The following TLX1 variants were observed in gnomAD, a reference collection of about 807,000 sequenced individuals.
TLX1 encodes the protein T cell leukemia homeobox 1.
TLX1 carries 6 observed loss-of-function variants against 26.5 expected under a neutral mutation model. The observed-to-expected ratio is 0.23, with a 90% CI of 0.12 to 0.45. The LOEUF (loss-of-function observed/expected upper bound fraction) is 0.45. Among genes scored for constraint, TLX1 ranks in the 20% least tolerant of loss-of-function variants. The probability of loss-of-function intolerance (pLI) is 0.99; values close to 1 mark genes in which losing one functional copy is unlikely to be tolerated. For synonymous variants in TLX1, 217 were observed against 219.7 expected, an observed-to-expected ratio of 0.99 and a Z score of 0.11; for missense variants, 418 against 482.6, an observed-to-expected ratio of 0.87 and a Z score of 1.25.
chr10:101,134,444 C>T (rs1940246482), intron 2 of TLX1, 68 bp downstream of exon 2: 2 of 1,418,356 alleles, frequency 1.4e-6, no homozygotes, highest in East Asian at 2.5e-5. Flanking sequence ...GTTCATTGGC[C>T]TCTCGTGGGG....
At position 101,131,657 on chromosome 10, in the gene TLX1, G is replaced by T. The variant is rs998472586; in HGVS notation, c.116G>T (p.Arg39Leu). Residue 39 changes from arginine to leucine, a missense_variant, in exon 1 of 3, where the codon CGC (arginine) becomes CTC (leucine). Arg to Leu is a moderately radical substitution (Grantham distance 102, BLOSUM62 -2). Around this residue, in one of 3 missense-constraint regions of TLX1, gnomAD observed 322 missense variants for 344.6 expected, o/e 0.93. Transcript: ENST00000370196. The stretch of plus-strand genomic sequence containing the variant: ...GGTGGCTGCATGGGACCCGCCTCGC[G>T]CCTCCAGGACGGAGAATACGGCCTT... ...DQGGCMGPASRLQDGEYGLGC... is the reference protein window; with the variant it reads ...DQGGCMGPASLLQDGEYGLGC... The T allele has an allele frequency of 1.5e-5, 23 of 1,564,212 alleles. No homozygotes were observed. The highest frequency in any genetic ancestry group is 1.9e-5 in the Non-Finnish European group (22 of 1,159,464).
At chr10:101,136,612 C>A in intron 2 of TLX1, 79 bp from the exon 3 acceptor site, 1 of 1,609,992 alleles carries the variant, frequency 6.2e-7, no homozygotes, top group Non-Finnish European at 8.5e-7. Flanking sequence ...AGTTTATCTC[C>A]TGGGAACGCA....
Position 101,136,964 on chromosome 10 carries a change from G to A in TLX1, c.*51G>A. Reference sequence around the variant, plus strand: ...CCCAGGCCCACTCAGGGGTCACTGAGGCCTGAGACCCAGGACTCCTCCCCA... The same window carrying A: ...CCCAGGCCCACTCAGGGGTCACTGAAGCCTGAGACCCAGGACTCCTCCCCA... On this transcript the variant is annotated 3_prime_UTR_variant, in exon 3 of 3. Coordinates refer to ENST00000370196, the MANE Select transcript of TLX1 (RefSeq NM_005521.4). 1 of 1,598,940 alleles carries A rather than the reference G, an allele frequency of 6.3e-7. No homozygotes were observed. The highest frequency in any genetic ancestry group is 8.5e-7 in the Non-Finnish European group (1 of 1,170,730).
intron 2 of TLX1, chr10:101,135,355 C>T: frequency 6.5e-6 from 1 of 154,360 alleles, no homozygotes; most frequent in East Asian, 1.9e-4. Flanking sequence ...TGAACGAAGG[C>T]GAGGAATCTG....
chr10:101,132,018 T>C lies in TLX1; in HGVS notation c.477T>C (p.Ser159=). 1 of 1,521,904 alleles carries C rather than the reference T, an allele frequency of 6.6e-7. No individual in the cohort carries two copies. The highest frequency in any genetic ancestry group is 8.7e-7 in the Non-Finnish European group (1 of 1,143,240). The allele number at this position is 1,521,904 out of a possible 1,614,324, so 94.3% of individuals were successfully genotyped here. ...CCACCGGCTTGCCCACCGTGCCCTC[T>C]GTGCCTGCCATGCCGGGCGTCAACA... ...PLATGLPTVP[S]VPAMPGVNNL... Residue 159 remains serine, a synonymous_variant, in exon 1 of 3, where the codon TCT becomes TCC. Coordinates refer to ENST00000370196, the MANE Select transcript of TLX1 (RefSeq NM_005521.4). This position sits in a 1 kb window ranked among gnomAD's most constrained non-coding sequence, Gnocchi z 4.1.
chr10:101,134,360 C>A lies in TLX1; in HGVS notation c.754C>A (p.Arg252=). The change falls in exon 2 of 3, where the codon CGG becomes AGG. Residue 252 remains arginine, a synonymous_variant. Coordinates refer to ENST00000370196, the MANE Select transcript of TLX1 (RefSeq NM_005521.4). The part of the protein sequence containing the change: ...DAQVKTWFQN[R]RTKWRRQTAE... ...GCAGGTCAAAACCTGGTTCCAGAAC[C>A]GGCGGACAAAGTGGAGGTGAGCAAG... The A allele has an allele frequency of 6.3e-7, 1 of 1,597,060 alleles. No homozygotes were observed. Among genetic ancestry groups the A allele is most frequent in the Non-Finnish European group, 8.5e-7 (1 of 1,173,032 alleles).
intron 2 of TLX1, among the ~76,000 whole-genome samples, chr10:101,136,159 G>T (rs1940289767): frequency 6.6e-6 from 1 of 152,262 alleles, no homozygotes; most frequent in Non-Finnish European, 1.5e-5. Context: ...GGGTCCAGCA[G>T]GAGCCCCGGT....
rs1382892455 is a variant in TLX1 at position 101,137,336 on chromosome 10, C to T, written c.*423C>T. The T allele has an allele frequency of 6.8e-6, 2 of 292,758 alleles. No individual in the cohort carries two copies. The highest frequency in any genetic ancestry group is 1.3e-5 in the Non-Finnish European group (2 of 154,474). 18.1% of individuals were successfully genotyped at this position (292,758 alleles called of 1,614,324 possible). A position where few individuals can be genotyped will look rare whatever the true frequency, so the allele number is the denominator to read the frequency against. On this transcript the variant is annotated 3_prime_UTR_variant, in exon 3 of 3. Coordinates refer to ENST00000370196, the MANE Select transcript of TLX1 (RefSeq NM_005521.4). ...ACACATGGAAACCCATAGGCCCACA[C>T]ACAGGTGGTGTCACTGTCCCTCCTG...
Position 101,137,130 on chromosome 10 carries a change from G to T in TLX1, c.*217G>T. ...GGACACGCGCCCCCCTCCCAGAGGC[G>T]TCCCGCACCTGTCTGAACTGTTAAG... On this transcript the variant is annotated 3_prime_UTR_variant, in exon 3 of 3. Coordinates refer to ENST00000370196, the MANE Select transcript of TLX1 (RefSeq NM_005521.4). The T allele has an allele frequency of 1.7e-6, 1 of 602,628 alleles. No individual in the cohort carries two copies. The highest frequency in any genetic ancestry group is 2.9e-6 in the Non-Finnish European group (1 of 342,156). The allele number at this position is 602,628 out of a possible 1,614,324, so 37.3% of individuals were successfully genotyped here. A position where few individuals can be genotyped will look rare whatever the true frequency, so the allele number is the denominator to read the frequency against.
intron 1 of TLX1, among the ~76,000 whole-genome samples, chr10:101,133,746 G>A (rs374193978): frequency 4.9e-4 from 75 of 152,328 alleles, no homozygotes; most frequent in African/African-American, 1.6e-3. Flanking sequence ...GTGTTGGTGT[G>A]TGCTGCTGTG....
chr10:101,134,419 C>T (rs1400111197), intron 2 of TLX1, 43 bp downstream of exon 2: 1 of 1,489,434 alleles, frequency 6.7e-7, no homozygotes. Flanking sequence ...GCGGCGCGGT[C>T]TCAGGCAGCT....
rs765044914 is a variant in TLX1 at position 101,136,863 on chromosome 10, G to T, written c.943G>T (p.Asp315Tyr). The change falls in exon 3 of 3, where the codon GAC (aspartate) becomes TAC (tyrosine). Residue 315 changes from aspartate (D) to tyrosine (Y), a missense_variant. By Grantham distance (160) the Asp-to-Tyr change is radical. Coordinates refer to ENST00000370196, the MANE Select transcript of TLX1 (RefSeq NM_005521.4). ...GCAGAATCTGCAGCCGTGGTCTGAC[G>T]ACTCGACCAAAATCACTAGCGTCAC... is the stretch of plus-strand genomic sequence containing the variant. ...ALQNLQPWSD[D>Y]STKITSVTSV... is the part of the protein sequence containing the mutation. 6.2e-7 allele frequency: 1 copy of T among 1,613,482 alleles called. No individual in the cohort carries two copies. The highest frequency in any genetic ancestry group is 8.5e-7 in the Non-Finnish European group (1 of 1,180,038).
chr10:101,136,102 G>T (rs1940288885), intron 2 of TLX1, among the ~76,000 whole-genome samples: 1 of 152,370 alleles, frequency 6.6e-6, no homozygotes, highest in East Asian at 1.9e-4. Flanking sequence ...GCAGTAAATG[G>T]AATAAGTGAG....
chr10:101,136,433 A>G (rs1940295620), intron 2 of TLX1, among the ~76,000 whole-genome samples: 1 of 152,192 alleles, frequency 6.6e-6, no homozygotes, highest in South Asian at 2.1e-4. Context: ...TGCGAGTCCC[A>G]GCTGTTTGGG....
At position 101,132,140 on chromosome 10, in the gene TLX1, C is replaced by T; in HGVS notation, c.568+31C>T. On this transcript the variant is annotated intron_variant, in intron 1 of 2. Coordinates refer to ENST00000370196, the MANE Select transcript of TLX1 (RefSeq NM_005521.4). The surrounding 1 kb of genome is among the most constrained non-coding windows in gnomAD (Gnocchi z 4.1). ...TCCGGCCCGCGCGCTCCCCGCCTGG[C>T]CGCGGCCCGGGCTCCGTGCTACCCC... is the stretch of plus-strand genomic sequence containing the variant. 7.5e-7 allele frequency: 1 copy of T among 1,330,568 alleles called. No individual in the cohort carries two copies. The highest frequency in any genetic ancestry group is 9.6e-7 in the Non-Finnish European group (1 of 1,042,674). The allele number at this position is 1,330,568 out of a possible 1,614,324, so 82.4% of individuals were successfully genotyped here. A position where few individuals can be genotyped will look rare whatever the true frequency, so the allele number is the denominator to read the frequency against.
chr10:101,131,824 G>A lies in TLX1; in HGVS notation c.283G>A (p.Gly95Ser). Residue 95 changes from glycine to serine, a missense_variant, in exon 1 of 3, where the codon GGT (glycine) becomes AGT (serine). Physicochemically the swap from Gly to Ser is moderately conservative, Grantham distance 56. Around this residue, in one of 3 missense-constraint regions of TLX1, gnomAD observed 322 missense variants for 344.6 expected, o/e 0.93. Coordinates refer to ENST00000370196, the MANE Select transcript of TLX1 (RefSeq NM_005521.4). ...PAGGGGACSM[G>S]PLTGSYNVNM... is the part of the protein sequence containing the mutation. ...AGGCGGCGGCGGCGCCTGCAGCATG[G>A]GTCCTCTGACCGGCTCCTACAACGT... The A allele has an allele frequency of 7.1e-7, 1 of 1,403,392 alleles. No individual in the cohort carries two copies. The highest frequency in any genetic ancestry group is 9.2e-7 in the Non-Finnish European group (1 of 1,086,130). The allele number at this position is 1,403,392 out of a possible 1,614,324, so 86.9% of individuals were successfully genotyped here. A position where few individuals can be genotyped will look rare whatever the true frequency, so the allele number is the denominator to read the frequency against.
chr10:101,131,486 C>A lies in TLX1; in HGVS notation c.-56C>A. 2.2e-6 allele frequency: 3 copies of A among 1,360,898 alleles called. No homozygotes were observed. The highest frequency in any genetic ancestry group is 2.9e-6 in the Non-Finnish European group (3 of 1,051,470). The allele number at this position is 1,360,898 out of a possible 1,614,324, so 84.3% of individuals were successfully genotyped here. ...CTCCCAGCCCCTGCTAGCTGCCCCC[C>A]GAGCCGAGCGCAGCGAGCGCCGCCG... On this transcript the variant is annotated 5_prime_UTR_variant, in exon 1 of 3. Coordinates refer to ENST00000370196, the MANE Select transcript of TLX1 (RefSeq NM_005521.4).
chr10:101,132,336 G>A lies in TLX1; in HGVS notation c.568+227G>A, dbSNP rs1286257899. Among the ~76,000 whole-genome samples the A allele has an allele frequency of 6.6e-6, 1 of 152,238 alleles. No individual in the cohort carries two copies. The highest frequency in any genetic ancestry group is 2.4e-5 in the African/African-American group (1 of 41,454). On this transcript the variant is annotated intron_variant, in intron 1 of 2. Transcript: ENST00000370196. The surrounding 1 kb of genome is among the most constrained non-coding windows in gnomAD (Gnocchi z 4.1). ...CTGTCTCCCGAAGGACCCCTGCTCG[G>A]AGGAGCTCTCCCTGGTCCCCTCTCC...
Position 101,131,523 on chromosome 10 carries a change from C to CG in TLX1, c.-17dup. 1 of 1,426,336 alleles carries CG rather than the reference C, an allele frequency of 7.0e-7. No individual in the cohort carries two copies. The highest frequency in any genetic ancestry group is 9.2e-7 in the Non-Finnish European group (1 of 1,092,416). The allele number at this position is 1,426,336 out of a possible 1,614,324, so 88.4% of individuals were successfully genotyped here. On this transcript the variant is annotated 5_prime_UTR_variant, in exon 1 of 3. Transcript: ENST00000370196. ...AGCGAGCGCCGCCGCCCGGGCCCCCCGGTGGGGCCAGGGCCAGCATGGAGC... is the reference window on the plus strand; with the variant it reads ...AGCGAGCGCCGCCGCCCGGGCCCCCCGGGTGGGGCCAGGGCCAGCATGGAGC...
Sources: gnomAD v4.1 joint callset for allele counts (sites outside exome capture counted in the v4.1 genomes callset) on GRCh38, gnomAD v4.1.1 for gene constraint, gnomAD v4.1.1 regional missense constraint, Gnocchi (gnomAD v3.1) non-coding constraint, MANE v1.5 for transcripts, NCBI Gene and HGNC (gene_info 2026-07-23, HGNC 2026-07-21) for gene names.